NLGN1: variants seen among roughly 807,000 people sequenced by gnomAD.
NLGN1 encodes neuroligin-1.
Under a neutral mutation model 65.5 loss-of-function variants are expected in NLGN1, and 12 were observed. The ratio of observed to expected loss-of-function variants is 0.18; its 90% confidence interval spans 0.12 to 0.30. The LOEUF (loss-of-function observed/expected upper bound fraction) is 0.30, where lower values mean the gene tolerates loss of function less well. NLGN1 is among the 10% of genes least tolerant of loss of function. The pLI is 1.00. For synonymous variants in NLGN1, 350 were observed against 359.5 expected, an observed-to-expected ratio of 0.97 and a Z score of 0.30; for missense variants, 750 against 1,007.1, an observed-to-expected ratio of 0.74 and a Z score of 3.46.
chr3:173,902,055 A>T (rs1327029021), intron 4 of NLGN1, among the ~76,000 whole-genome samples: 1 of 152,142 alleles, frequency 6.6e-6, no homozygotes, highest in Non-Finnish European at 1.5e-5. Context: ...CCCTACACAG[A>T]TAGCCCTTGA....
intron 2 of NLGN1, among the ~76,000 whole-genome samples, chr3:173,507,174 T>G (rs1187219764): frequency 6.6e-6 from 1 of 152,124 alleles, no homozygotes; most frequent in Middle Eastern, 3.2e-3. Context: ...AGTACATGTT[T>G]GCTGCTGATG....
intron 4 of NLGN1, among the ~76,000 whole-genome samples, chr3:174,199,542 G>T (rs1057427130): frequency 3.3e-5 from 5 of 151,734 alleles, no homozygotes; most frequent in Non-Finnish European, 7.4e-5. Context: ...ATCTATGAGG[G>T]TCCTTTTCAA....
At chr3:173,760,486 CTTTA>C (rs1777813173) in intron 3 of NLGN1, among the ~76,000 whole-genome samples, 5 of 151,802 alleles carry the variant, frequency 3.3e-5, no homozygotes, top group Non-Finnish European at 5.9e-5. Flanking sequence ...TCTTGTTTTA[CTTTA>C]GAAGTTCTTG....
At chr3:173,539,617 TA>T (rs1560405626) in intron 2 of NLGN1, among the ~76,000 whole-genome samples, 3 of 56,614 alleles carry the variant, frequency 5.3e-5, no homozygotes, top group Non-Finnish European at 9.8e-5. Flanking sequence ...TGTTATATAT[TA>T]TATATTTATA....
At chr3:173,855,254 C>A (rs987213905) in intron 4 of NLGN1, among the ~76,000 whole-genome samples, 6 of 151,780 alleles carry the variant, frequency 4.0e-5, no homozygotes, top group African/African-American at 1.4e-4. Flanking sequence ...GAACTTAAAT[C>A]TTTTAAAGGA....
chr3:174,003,169 A>G (rs1191237683), intron 4 of NLGN1, among the ~76,000 whole-genome samples: 4 of 152,184 alleles, frequency 2.6e-5, no homozygotes, highest in Non-Finnish European at 5.9e-5. Context: ...TTTAAAAGGA[A>G]TAATAGTGAC....
intron 4 of NLGN1, among the ~76,000 whole-genome samples, chr3:173,914,716 C>G (rs1255718610): frequency 6.6e-6 from 1 of 152,086 alleles, no homozygotes; most frequent in Non-Finnish European, 1.5e-5. Flanking sequence ...AGACTAAAAC[C>G]AACATGAATC....
chr3:174,204,710 C>T (rs1193779979), intron 4 of NLGN1, among the ~76,000 whole-genome samples: 3 of 152,228 alleles, frequency 2.0e-5, no homozygotes, highest in Non-Finnish European at 2.9e-5. Context: ...AAAAGCTTCA[C>T]AGATGAAAAC....
At chr3:173,724,100 A>G (rs1301712670) in intron 3 of NLGN1, among the ~76,000 whole-genome samples, 1 of 152,186 alleles carries the variant, frequency 6.6e-6, no homozygotes, top group African/African-American at 2.4e-5. Flanking sequence ...GAACTTCACT[A>G]TTCGACATTC....
chr3:174,111,294 A>G (rs1715172504), intron 4 of NLGN1, among the ~76,000 whole-genome samples: 1 of 151,916 alleles, frequency 6.6e-6, no homozygotes, highest in Admixed American at 6.6e-5. Flanking sequence ...AGTAACTAGT[A>G]GTTAATTCTT....
chr3:174,154,980 T>TAATATATAATTATATATAA (rs1561174931), intron 4 of NLGN1, among the ~76,000 whole-genome samples: 1 of 122,272 alleles, frequency 8.2e-6, no homozygotes, highest in East Asian at 2.4e-4. Context: ...ATATAATATA[T>TAATATATAATTATATATAA]TATATTATAT....
chr3:174,083,746 AC>A, intron 4 of NLGN1, among the ~76,000 whole-genome samples: 1 of 152,278 alleles, frequency 6.6e-6, no homozygotes, highest in East Asian at 1.9e-4. Context: ...CAATGCTAAT[AC>A]CCGGCTAATA....
rs149280950 is a variant in NLGN1, at chr3:173,842,283, T to C, written c.646+34451T>C. 1.8e-3 allele frequency among the ~76,000 whole-genome samples: 275 copies of C among 152,282 alleles called. 1 individual carries two copies. The highest frequency in any genetic ancestry group is 6.2e-3 in the African/African-American group (258 of 41,542). On this transcript the variant is annotated intron_variant, in intron 4 of 6. Transcript: ENST00000457714. ...GAAGTGTGAGAGCTACAATTCAAGA[T>C]GACATTTTGGTGGGGACACAGACAC...
intron 4 of NLGN1, among the ~76,000 whole-genome samples, chr3:174,072,004 G>A (rs548376896): frequency 4.5e-4 from 69 of 152,240 alleles, no homozygotes; most frequent in Admixed American, 1.6e-3. Context: ...ATTAGAAGGC[G>A]CCTCATGTGG....
chr3:173,832,470 G>T (rs1469312496), intron 4 of NLGN1, among the ~76,000 whole-genome samples: 1 of 152,190 alleles, frequency 6.6e-6, no homozygotes, highest in Admixed American at 6.5e-5. Flanking sequence ...TTATACTGCT[G>T]CCCTTGCAAA....
At chr3:173,790,266 C>T (rs1426581402) in intron 3 of NLGN1, among the ~76,000 whole-genome samples, 1 of 151,586 alleles carries the variant, frequency 6.6e-6, no homozygotes, top group Non-Finnish European at 1.5e-5. Context: ...TATTATTCTC[C>T]CTAAAGTAGT....
At chr3:174,272,584 A>T (rs533479464) in intron 4 of NLGN1, among the ~76,000 whole-genome samples, 1 of 151,594 alleles carries the variant, frequency 6.6e-6, no homozygotes, top group East Asian at 1.9e-4. Context: ...AGTTTTTCCT[A>T]ATATAAAACC....
chr3:173,573,932 G>C (rs550932556), intron 2 of NLGN1, among the ~76,000 whole-genome samples: 3 of 151,282 alleles, frequency 2.0e-5, no homozygotes, highest in Admixed American at 1.3e-4. Flanking sequence ...GCGTGGTAGC[G>C]GGCGCCTGTA....
chr3:173,402,197 T>C (rs1475076621), intron 1 of NLGN1, among the ~76,000 whole-genome samples: 1 of 152,162 alleles, frequency 6.6e-6, no homozygotes, highest in African/African-American at 2.4e-5. Context: ...GCATGGACTA[T>C]AGTAACTTTA....
Sources: gnomAD v4.1 joint callset for allele counts (sites outside exome capture counted in the v4.1 genomes callset) on GRCh38, gnomAD v4.1.1 for gene constraint, MANE v1.5 for transcripts, NCBI Gene and HGNC (gene_info 2026-07-23, HGNC 2026-07-21) for gene names.